The following DNAI7 variants were observed in gnomAD, a reference collection of about 807,000 sequenced individuals.
DNAI7 encodes the protein cancer susceptibility 1.
A neutral mutation model predicts 86.6 loss-of-function variants in DNAI7; 78 were observed. The ratio of observed to expected loss-of-function variants is 0.90; its 90% CI spans 0.75 to 1.09. The LOEUF (loss-of-function observed/expected upper bound fraction) is 1.09. Ranked by LOEUF, DNAI7 falls within the 50% of genes least tolerant of loss-of-function variation. The pLI, the probability that DNAI7 is intolerant of heterozygous loss-of-function variation, is 0.00. For missense variants in DNAI7, 753 were observed against 810.2 expected (o/e 0.93, Z 0.86); for synonymous variants, 274 against 273.0 (o/e 1.00, Z -0.04).
At chr12:25,136,839 G>A (rs1257757312) in intron 9 of DNAI7, among the ~76,000 whole-genome samples, 2 of 152,076 alleles carry the variant, frequency 1.3e-5, no homozygotes, top group South Asian at 2.1e-4. Flanking sequence ...CAAGGCTTTT[G>A]AATTAACCCA....
intron 2 of DNAI7, among the ~76,000 whole-genome samples, chr12:25,166,509 C>T (rs1174064160): frequency 6.6e-6 from 1 of 152,202 alleles, no homozygotes; most frequent in African/African-American, 2.4e-5. Context: ...TATACTGCCG[C>T]AAAGCTTCAC....
At chr12:25,167,861 T>A (rs893616209) in intron 2 of DNAI7, among the ~76,000 whole-genome samples, 1 of 152,194 alleles carries the variant, frequency 6.6e-6, no homozygotes, top group African/African-American at 2.4e-5. Context: ...CACAAACTAC[T>A]ATTCCTGTGG....
chr12:25,117,232 CCTA>C (rs1349402260), intron 12 of DNAI7, among the ~76,000 whole-genome samples: 1 of 152,142 alleles, frequency 6.6e-6, no homozygotes, highest in Non-Finnish European at 1.5e-5. Flanking sequence ...CTGCGACCGG[CCTA>C]CTGTTTTTAA....
intron 2 of DNAI7, among the ~76,000 whole-genome samples, chr12:25,164,865 T>C (rs977661172): frequency 6.7e-6 from 1 of 149,376 alleles, no homozygotes; most frequent in African/African-American, 2.5e-5. Flanking sequence ...CTCCACCCTA[T>C]AATCATTTTA....
At chr12:25,113,257 C>T (rs1939325073) in intron 13 of DNAI7, among the ~76,000 whole-genome samples, 1 of 149,700 alleles carries the variant, frequency 6.7e-6, no homozygotes, top group African/African-American at 2.5e-5. Context: ...CATCTCCCAT[C>T]TCACCTAGTT....
At chr12:25,165,951 G>T (rs942352229) in intron 2 of DNAI7, among the ~76,000 whole-genome samples, 7 of 152,010 alleles carry the variant, frequency 4.6e-5, no homozygotes, top group African/African-American at 1.7e-4. Flanking sequence ...GCCTATTCCT[G>T]GGCTACAGCC....
intron 9 of DNAI7, among the ~76,000 whole-genome samples, chr12:25,141,617 T>G (rs1944193495): frequency 6.6e-6 from 1 of 152,066 alleles, no homozygotes; most frequent in African/African-American, 2.4e-5. Flanking sequence ...GACCATGAGG[T>G]CAGGAGATTG....
At chr12:25,160,327 T>A (rs914181688) in intron 3 of DNAI7, among the ~76,000 whole-genome samples, 6 of 152,204 alleles carry the variant, frequency 3.9e-5, no homozygotes, top group Non-Finnish European at 5.9e-5. Context: ...CTTCAAAGAA[T>A]TAATATGTCA....
chr12:25,167,324 T>C (rs974864339), intron 2 of DNAI7, among the ~76,000 whole-genome samples: 2 of 152,096 alleles, frequency 1.3e-5, no homozygotes, highest in African/African-American at 2.4e-5. Context: ...TCCCTACACA[T>C]CAAGCTCGAG....
chr12:25,148,186 TTCTATTATTGTTTCC>T (rs1565727723), intron 7 of DNAI7, among the ~76,000 whole-genome samples: 1 of 152,210 alleles, frequency 6.6e-6, no homozygotes, highest in Non-Finnish European at 1.5e-5. Flanking sequence ...TATTGTGGAT[TTCTATTATTGTTTCC>T]TCATGGCATT....
chr12:25,185,222 T>A (rs924597988), intron 2 of DNAI7, among the ~76,000 whole-genome samples: 2 of 152,190 alleles, frequency 1.3e-5, no homozygotes, highest in Admixed American at 6.5e-5. Flanking sequence ...TCAGGTTTTT[T>A]CCTGATAATT....
intron 7 of DNAI7, among the ~76,000 whole-genome samples, chr12:25,147,484 C>CCCCA (rs55662471): frequency 1.1e-4 from 15 of 138,176 alleles, no homozygotes; most frequent in Non-Finnish European, 2.2e-4. Flanking sequence ...AGACCACCCC[C>CCCCA]ATCTCTACAA....
chr12:25,155,832 G>A (rs1946092434), intron 4 of DNAI7, among the ~76,000 whole-genome samples: 1 of 152,174 alleles, frequency 6.6e-6, no homozygotes, highest in Non-Finnish European at 1.5e-5. Context: ...CCGGATGGAT[G>A]GGTGCAGTGG....
intron 8 of DNAI7, 25 bp downstream of exon 8, chr12:25,146,976 G>C (rs769924272): frequency 8.5e-7 from 1 of 1,169,962 alleles, no homozygotes; most frequent in South Asian, 1.2e-5. Context: ...TCCACCTACA[G>C]GGAAAGTATT....
In DNAI7 at chr12:25,194,738, G is replaced by A. The variant is rs144329199; in HGVS notation, c.3+338C>T. On this transcript the variant is annotated intron_variant, in intron 1 of 15. Transcript: ENST00000395987. ...AGTACTAAAACATTTCCGCCAAGTT[G>A]CAATAAGAAAATTTAGTGGGAACGT... 6.9e-6 allele frequency: 5 copies of A among 721,982 alleles called. No homozygotes were observed. In the African/African-American group the frequency reaches 8.9e-5, roughly 13 times the overall value. 44.7% of individuals were successfully genotyped at this position (721,982 alleles called of 1,614,324 possible).
At position 25,149,636 on chromosome 12, in the gene DNAI7, G is replaced by T. The variant is rs1187015190; in HGVS notation, c.577C>A (p.Leu193Ile). 2.5e-6 allele frequency: 4 copies of T among 1,602,978 alleles called. No individual in the cohort carries two copies. Among genetic ancestry groups the T allele is most frequent in the East Asian group, 2.2e-5 (1 of 44,654 alleles). Residue 193 changes from leucine (L) to isoleucine (I), a missense_variant, in exon 7 of 16, where the codon CTT becomes ATT. By Grantham distance (5) the Leu-to-Ile change is conservative. Transcript: ENST00000395987. ...HLKFGVATEILLKQASTLADL... is the reference protein window; with the variant it reads ...HLKFGVATEIILKQASTLADL... ...CAAAATATCACACTTACTTTGAGAA[G>T]TATTTCTGTGGCTACACCGAATTTA...
intron 2 of DNAI7, among the ~76,000 whole-genome samples, chr12:25,188,228 T>C (rs769644837): frequency 2.6e-5 from 4 of 152,150 alleles, no homozygotes; most frequent in African/African-American, 7.2e-5. Flanking sequence ...TAATAAAATA[T>C]TGTTAAGTGA....
At chr12:25,152,173 CTT>C (rs1444030358) in intron 6 of DNAI7, among the ~76,000 whole-genome samples, 3 of 152,158 alleles carry the variant, frequency 2.0e-5, no homozygotes, top group Non-Finnish European at 4.4e-5. Context: ...ACAGAAACAG[CTT>C]TTGTTATTTA....
intron 2 of DNAI7, among the ~76,000 whole-genome samples, chr12:25,178,343 T>C (rs1417477451): frequency 6.6e-6 from 1 of 152,204 alleles, no homozygotes; most frequent in Non-Finnish European, 1.5e-5. Flanking sequence ...TTTTTCTGGC[T>C]ATTTGTCTAA....
Sources: allele counts gnomAD v4.1 joint callset (sites outside exome capture counted in the v4.1 genomes callset), GRCh38; gene constraint gnomAD v4.1.1; transcripts MANE v1.5; gene names NCBI Gene and HGNC (gene_info 2026-07-23, HGNC 2026-07-21).